The following ZNF518A variants were observed in gnomAD, a reference collection of about 807,000 sequenced individuals.
ZNF518A encodes zinc finger protein 518.
ZNF518A carries 47 observed loss-of-function variants against 102.7 expected under a neutral mutation model. The observed-to-expected ratio is 0.46, with a 90% CI of 0.36 to 0.58. ZNF518A has a LOEUF of 0.58. Ranked by LOEUF, ZNF518A falls within the 20% of genes least tolerant of loss-of-function variation. ZNF518A has a pLI of 0.00. For missense variants in ZNF518A, 1,793 were observed against 1,699.8 expected, an observed-to-expected ratio of 1.05 and a Z score of -0.96; for synonymous variants, 652 against 594.6, an observed-to-expected ratio of 1.10 and a Z score of -1.40.
downstream of ZNF518A, chr10:96,204,872 G>C: frequency 4.5e-6 from 2 of 440,850 alleles, no homozygotes; most frequent in Non-Finnish European, 8.5e-6. Flanking sequence ...AATGTACATA[G>C]AGACTGAACC....
intron 1 of ZNF518A, among the ~76,000 whole-genome samples, chr10:96,177,505 CAT>C (rs1182779266): frequency 1.3e-5 from 2 of 152,002 alleles, no homozygotes; most frequent in Non-Finnish European, 2.9e-5. Flanking sequence ...AAAATAATAA[CAT>C]ATTATAGGAT....
intron 1 of ZNF518A, among the ~76,000 whole-genome samples, chr10:96,187,038 T>C (rs1224227604): frequency 1.3e-5 from 2 of 152,224 alleles, no homozygotes; most frequent in Non-Finnish European, 2.9e-5. Flanking sequence ...TATACATAAA[T>C]GAATTTTTCC....
rs1480886328 is a variant in ZNF518A, at chr10:96,190,160, A to C, written n.36-13414A>C. The C allele has an allele frequency of 2.2e-5, 20 of 899,320 alleles. No individual in the cohort carries two copies. The East Asian group carries it at 4.8e-4, about 22-fold the overall frequency. The allele number at this position is 899,320 out of a possible 1,614,324, so 55.7% of individuals were successfully genotyped here. A position where few individuals can be genotyped will look rare whatever the true frequency, so the allele number is the denominator to read the frequency against. ...TCATCTTTGTCGGCCTTTAGTTCAC[A>C]ACTGAAAAGATAGTTCTGGGCCTCA... is the stretch of plus-strand genomic sequence containing the variant. On this transcript the variant is annotated intron_variant and non_coding_transcript_variant, in intron 1 of 2. Transcript: ENST00000442635.
rs587716239 is a variant in ZNF518A, at chr10:96,157,974, C to T, written c.1652C>T (p.Ser551Phe). 6.2e-7 allele frequency: 1 copy of T among 1,613,636 alleles called. No homozygotes were observed. The highest frequency in any genetic ancestry group is 8.5e-7 in the Non-Finnish European group (1 of 1,179,780). ...LQTMDYEKSVSSLSATSELVT... is the reference protein window; with the variant it reads ...LQTMDYEKSVFSLSATSELVT... The stretch of plus-strand genomic sequence containing the variant: ...ACAATGGATTATGAGAAAAGTGTAT[C>T]TTCTTTGTCAGCAACATCAGAATTG... The change falls in exon 6 of 6, where the codon TCT becomes TTT. Residue 551 changes from serine to phenylalanine, a missense_variant. By Grantham distance (155) the Ser-to-Phe change is radical. Transcript: ENST00000316045.
chr10:96,156,224 T>G lies in ZNF518A; in HGVS notation c.-99T>G, dbSNP rs1185676318. 1.8e-6 allele frequency: 2 copies of G among 1,142,280 alleles called. No homozygotes were observed. Among genetic ancestry groups the G allele is most frequent in the Non-Finnish European group, 2.4e-6 (2 of 844,564 alleles). The allele number at this position is 1,142,280 out of a possible 1,614,324, so 70.8% of individuals were successfully genotyped here. A position where few individuals can be genotyped will look rare whatever the true frequency, so the allele number is the denominator to read the frequency against. ...GAGTTATTGTGGGAAAAATCCTGTA[T>G]ATTGAAGATGTCTCTACACAGTATC... On this transcript the variant is annotated 5_prime_UTR_variant, in exon 6 of 6. Transcript: ENST00000316045.
At position 96,156,372 on chromosome 10, in the gene ZNF518A, TA is replaced by T; in HGVS notation, c.57del (p.Asp20IlefsTer4). 1.3e-6 allele frequency: 2 copies of T among 1,592,574 alleles called. No homozygotes were observed. Among genetic ancestry groups the T allele is most frequent in the East Asian group, 2.2e-5 (1 of 44,734 alleles). On this transcript the variant is annotated frameshift_variant, in exon 6 of 6. Coordinates refer to ENST00000316045, the MANE Select transcript of ZNF518A (RefSeq NM_001330736.2). LOFTEE classifies it high-confidence loss of function. ...QLFCDEKQTT[L>X]KKDYDVKNEI... is the part of the protein sequence containing the mutation. ...TTTTGTGATGAAAAACAAACTACTT[TA>T]AAAAAAGATTATGATGTGAAAAATG... is the stretch of plus-strand genomic sequence containing the variant.
rs781825063 is a variant in ZNF518A at position 96,156,849 on chromosome 10, T to C, written c.527T>C (p.Leu176Ser). 4.3e-6 allele frequency: 7 copies of C among 1,613,738 alleles called. No individual in the cohort carries two copies. The highest frequency in any genetic ancestry group is 5.9e-6 in the Non-Finnish European group (7 of 1,179,800). Reference sequence around the variant, plus strand: ...CACAGACGAACCCATAGAAGCACTTTAGTAAAATGTGACATTTGTAACAAT... The same window carrying C: ...CACAGACGAACCCATAGAAGCACTTCAGTAAAATGTGACATTTGTAACAAT... Reference protein sequence around the residue: ...KQHRRTHRSTLVKCDICNNES... With the variant: ...KQHRRTHRSTSVKCDICNNES... The change falls in exon 6 of 6, where the codon TTA (leucine) becomes TCA (serine). Residue 176 changes from leucine (L) to serine (S), a missense_variant. Physicochemically the swap from Leu to Ser is moderately radical, Grantham distance 145 (BLOSUM62 -2). Around this residue, in one of 3 missense-constraint regions of ZNF518A, gnomAD observed 1,741 missense variants for 1,622.6 expected, o/e 1.07. Transcript: ENST00000316045.
At position 96,130,761 on chromosome 10, in the gene ZNF518A, C is replaced by A. The variant is rs1287656890; in HGVS notation, c.-453+9C>A. On this transcript the variant is annotated intron_variant, in intron 1 of 5. Coordinates refer to ENST00000316045, the MANE Select transcript of ZNF518A (RefSeq NM_001330736.2). The stretch of plus-strand genomic sequence containing the variant: ...TCCAGAGTTGGCCAAAGGTGCTCTT[C>A]CCCGCAGACCCTAACCACACCCAGT... 2 of 152,414 alleles carry A rather than the reference C, an allele frequency of 1.3e-5. No individual in the cohort carries two copies. The highest frequency in any genetic ancestry group is 2.9e-5 in the Non-Finnish European group (2 of 68,180). 9.4% of individuals were successfully genotyped at this position (152,414 alleles called of 1,614,324 possible).
In ZNF518A at chr10:96,158,403, A is replaced by G. The variant is rs2082812573; in HGVS notation, c.2081A>G (p.Asp694Gly). 4 of 1,613,526 alleles carry G rather than the reference A, an allele frequency of 2.5e-6. No individual in the cohort carries two copies. The highest frequency in any genetic ancestry group is 4.5e-5 in the East Asian group (2 of 44,882). The stretch of plus-strand genomic sequence containing the variant: ...GTGAGGCAGGAGAGCTCAAAACCAG[A>G]TAGCCTATTAGCATCTATTAGCCTT... Reference protein sequence around the residue: ...SLVRQESSKPDSLLASISLLN... With the variant: ...SLVRQESSKPGSLLASISLLN... Residue 694 changes from aspartate to glycine, a missense_variant, in exon 6 of 6, where the codon GAT (aspartate) becomes GGT (glycine). This residue lies in a region of ZNF518A where 1,741 missense variants were observed against 1,622.6 expected (regional missense o/e 1.07). Transcript: ENST00000316045.
chr10:96,175,855 T>TTCCC (rs2083199715), intron 1 of ZNF518A, among the ~76,000 whole-genome samples: 1 of 143,358 alleles, frequency 7.0e-6, no homozygotes, highest in South Asian at 2.5e-4. Context: ...ATTACAAGTA[T>TTCCC]TCCCTCCCTG....
At chr10:96,187,238 A>G (rs2083276768) in intron 1 of ZNF518A, among the ~76,000 whole-genome samples, 1 of 152,228 alleles carries the variant, frequency 6.6e-6, no homozygotes, top group Non-Finnish European at 1.5e-5. Context: ...TTATGTCTGC[A>G]AAGAAGATTT....
chr10:96,205,076 G>C (rs146382642), downstream of ZNF518A: 2,077 of 185,594 alleles, frequency 0.011, 88 homozygotes, highest in Admixed American at 0.084. Flanking sequence ...GCACACTACT[G>C]AGTTCATAAA....
chr10:96,160,423 T>G lies in ZNF518A; in HGVS notation c.4101T>G (p.Ile1367Met). Residue 1367 changes from isoleucine (I) to methionine (M), a missense_variant, in exon 6 of 6, where the codon ATT becomes ATG. Physicochemically the swap from Ile to Met is conservative, Grantham distance 10. Transcript: ENST00000316045. ...APEVVSVMKTIAKFNGHVLKV... is the reference protein window; with the variant it reads ...APEVVSVMKTMAKFNGHVLKV... Reference sequence around the variant, plus strand: ...AAGTAGTAAGTGTAATGAAAACTATTGCTAAATTTAATGGACATGTACTTA... The same window carrying G: ...AAGTAGTAAGTGTAATGAAAACTATGGCTAAATTTAATGGACATGTACTTA... The G allele has an allele frequency of 6.2e-7, 1 of 1,613,104 alleles. No individual in the cohort carries two copies. The highest frequency in any genetic ancestry group is 2.2e-5 in the East Asian group (1 of 44,866).
chr10:96,149,016 G>A (rs111281307), intron 3 of ZNF518A, among the ~76,000 whole-genome samples: 16 of 151,952 alleles, frequency 1.1e-4, no homozygotes, highest in African/African-American at 3.4e-4. Flanking sequence ...TGCCTGGCCT[G>A]ATTTTTTTTT....
In ZNF518A at chr10:96,157,280, A is replaced by G; in HGVS notation, c.958A>G (p.Ile320Val). 6.2e-7 allele frequency: 1 copy of G among 1,612,418 alleles called. No individual in the cohort carries two copies. The highest frequency in any genetic ancestry group is 1.1e-5 in the South Asian group (1 of 90,772). ...GLKLILKRYK[I>V]GASRKTFWKR... ...TAAGCTAATACTGAAAAGATATAAA[A>G]TAGGTGCATCAAGGAAGACGTTCTG... is the stretch of plus-strand genomic sequence containing the variant. Residue 320 changes from isoleucine (I) to valine (V), a missense_variant, in exon 6 of 6, where the codon ATA becomes GTA. Around this residue, in one of 3 missense-constraint regions of ZNF518A, gnomAD observed 1,741 missense variants for 1,622.6 expected, o/e 1.07. Coordinates refer to ENST00000316045, the MANE Select transcript of ZNF518A (RefSeq NM_001330736.2).
chr10:96,178,440 A>G (rs1191295915), intron 1 of ZNF518A, among the ~76,000 whole-genome samples: 2 of 152,078 alleles, frequency 1.3e-5, no homozygotes, highest in Admixed American at 6.5e-5. Context: ...AATTCATTGA[A>G]TGTTACTAAA....
Position 96,158,443 on chromosome 10 carries a change from T to C in ZNF518A, c.2121T>C (p.Asp707=), listed in dbSNP as rs2082815049. The C allele has an allele frequency of 2.5e-6, 4 of 1,612,848 alleles. No individual in the cohort carries two copies. Among genetic ancestry groups the C allele is most frequent in the Non-Finnish European group, 3.4e-6 (4 of 1,179,586 alleles). ...CTATTAGCCTTTTAAATGATAAAGATGGAACTTTAAAAGCAAAATCTGAAA... is the reference window on the plus strand; with the variant it reads ...CTATTAGCCTTTTAAATGATAAAGACGGAACTTTAAAAGCAAAATCTGAAA... ...LASISLLNDK[D]GTLKAKSEIE... The change falls in exon 6 of 6, where the codon GAT becomes GAC. Residue 707 remains aspartate, a synonymous_variant. Coordinates refer to ENST00000316045, the MANE Select transcript of ZNF518A (RefSeq NM_001330736.2).
downstream of ZNF518A, among the ~76,000 whole-genome samples, chr10:96,167,901 C>T (rs1365760429): frequency 6.6e-6 from 1 of 152,148 alleles, no homozygotes; most frequent in Non-Finnish European, 1.5e-5. Flanking sequence ...TAAAAGACAG[C>T]GTTTTTATTA....
In ZNF518A at chr10:96,160,136, T is replaced by C; in HGVS notation, c.3814T>C (p.Ser1272Pro). 1.2e-6 allele frequency: 2 copies of C among 1,610,134 alleles called. No individual in the cohort carries two copies. Among genetic ancestry groups the C allele is most frequent in the Non-Finnish European group, 1.7e-6 (2 of 1,178,650 alleles). Reference sequence around the variant, plus strand: ...TAAAGACTCTGAAACTGCCTTTGTATCTAGAAACAGAAACTGTAAACGAAA... The same window carrying C: ...TAAAGACTCTGAAACTGCCTTTGTACCTAGAAACAGAAACTGTAAACGAAA... ...GSKDSETAFV[S>P]RNRNCKRKCR... is the part of the protein sequence containing the mutation. The change falls in exon 6 of 6, where the codon TCT becomes CCT. Residue 1272 changes from serine to proline, a missense_variant. Around this residue, in one of 3 missense-constraint regions of ZNF518A, gnomAD observed 1,741 missense variants for 1,622.6 expected, o/e 1.07. Coordinates refer to ENST00000316045, the MANE Select transcript of ZNF518A (RefSeq NM_001330736.2).
Sources: allele counts gnomAD v4.1 joint callset (sites outside exome capture counted in the v4.1 genomes callset), GRCh38; gene constraint gnomAD v4.1.1; regional missense constraint gnomAD v4.1.1; transcripts MANE v1.5; gene names NCBI Gene and HGNC (gene_info 2026-07-23, HGNC 2026-07-21).